The following CYP39A1 variants were observed in gnomAD, a reference collection of about 807,000 sequenced individuals.
CYP39A1 encodes the protein cytochrome P450 family 39 subfamily A member 1.
CYP39A1 carries 49 observed loss-of-function variants against 58.1 expected under a neutral mutation model. That is an observed-to-expected ratio of 0.84 (90% CI 0.67 to 1.07). The LOEUF (loss-of-function observed/expected upper bound fraction) is 1.07. CYP39A1 is among the 50% of genes least tolerant of loss of function. The probability of loss-of-function intolerance (pLI) is 0.00; values close to 1 mark genes in which losing one functional copy is unlikely to be tolerated. For synonymous variants in CYP39A1, 209 were observed against 187.6 expected, an observed-to-expected ratio of 1.11 and a Z score of -0.93; for missense variants, 531 against 539.4, an observed-to-expected ratio of 0.98 and a Z score of 0.16.
chr6:46,599,231 A>G (rs943395160), intron 7 of CYP39A1, among the ~76,000 whole-genome samples: 1 of 152,196 alleles, frequency 6.6e-6, no homozygotes, highest in African/African-American at 2.4e-5. Flanking sequence ...AAGACAGAGA[A>G]CTAAAAGTGG....
At chr6:46,560,803 T>C (rs947021228) in intron 10 of CYP39A1, among the ~76,000 whole-genome samples, 6 of 151,786 alleles carry the variant, frequency 4.0e-5, no homozygotes, top group Non-Finnish European at 8.8e-5. Flanking sequence ...GAAGGAGCCC[T>C]GGGGTAATCC....
chr6:46,609,396 G>A (rs1264325474), intron 7 of CYP39A1, among the ~76,000 whole-genome samples: 1 of 145,444 alleles, frequency 6.9e-6, no homozygotes, highest in Non-Finnish European at 1.5e-5. Context: ...CAGCCTGGGC[G>A]ACAGCGAGAC....
At chr6:46,565,520 TA>T (rs1294050497) in intron 10 of CYP39A1, among the ~76,000 whole-genome samples, 1 of 145,530 alleles carries the variant, frequency 6.9e-6, no homozygotes, top group African/African-American at 2.7e-5. Flanking sequence ...ATAAATAAAA[TA>T]AAAAAAGGAG....
chr6:46,649,808 C>A (rs1762553422), intron 1 of CYP39A1, among the ~76,000 whole-genome samples: 1 of 151,996 alleles, frequency 6.6e-6, no homozygotes, highest in African/African-American at 2.4e-5. Context: ...ATTTTTTGAA[C>A]CGTATAAATG....
At chr6:46,573,022 A>T (rs1368578639) in intron 10 of CYP39A1, among the ~76,000 whole-genome samples, 1 of 151,738 alleles carries the variant, frequency 6.6e-6, no homozygotes, top group Non-Finnish European at 1.5e-5. Flanking sequence ...TGATCTTTCA[A>T]TCTCTTTGCT....
intron 10 of CYP39A1, among the ~76,000 whole-genome samples, chr6:46,554,358 T>A (rs752571580): frequency 1.3e-5 from 2 of 152,150 alleles, no homozygotes; most frequent in Non-Finnish European, 2.9e-5. Context: ...CAGTCCTACC[T>A]AAGTCTAGAT....
rs1448048626 is a variant in CYP39A1 at position 46,553,824 on chromosome 6, A to G, written c.1281T>C (p.Cys427=). The stretch of plus-strand genomic sequence containing the variant: ...CATATTTATAAAGTATTAAAATAAT[A>G]CACATCTGAACCTCTAACAGAGCAA... The part of the protein sequence containing the change: ...RWFALLEVQM[C]IILILYKYDC... Residue 427 remains cysteine, a synonymous_variant, in exon 11 of 12, where the codon TGT becomes TGC. Transcript: ENST00000275016. 1.2e-6 allele frequency: 2 copies of G among 1,609,542 alleles called. No individual in the cohort carries two copies. Among genetic ancestry groups the G allele is most frequent in the African/African-American group, 1.3e-5 (1 of 74,706 alleles).
intron 10 of CYP39A1, among the ~76,000 whole-genome samples, chr6:46,571,410 TG>T (rs1420010703): frequency 6.6e-6 from 1 of 152,178 alleles, no homozygotes; most frequent in Non-Finnish European, 1.5e-5. Context: ...GCTCTGATGT[TG>T]GGTACACATA....
intron 10 of CYP39A1, among the ~76,000 whole-genome samples, chr6:46,572,003 G>A (rs1771609080): frequency 6.6e-6 from 1 of 151,912 alleles, no homozygotes; most frequent in African/African-American, 2.4e-5. Context: ...ACCTATCCAA[G>A]GGTGCACTCA....
Position 46,648,413 on chromosome 6 carries a change from C to CA in CYP39A1, c.177+3992dup, listed in dbSNP as rs989023716. Among the ~76,000 whole-genome samples, 133 of 149,256 alleles carry CA rather than the reference C, an allele frequency of 8.9e-4. 1 individual carries two copies. Among genetic ancestry groups the CA allele is most frequent in the African/African-American group, 3.0e-3 (123 of 40,398 alleles). On this transcript the variant is annotated intron_variant, in intron 1 of 11. Coordinates refer to ENST00000275016, the MANE Select transcript of CYP39A1 (RefSeq NM_016593.5). ...CATTCTCAGCAAACTATCACAAGGA[C>CA]AAAAAATCAAACACCACATGTTCTC...
intron 1 of CYP39A1, among the ~76,000 whole-genome samples, chr6:46,651,461 C>A (rs886101397): frequency 3.9e-5 from 6 of 152,064 alleles, no homozygotes; most frequent in Non-Finnish European, 8.8e-5. Context: ...CATTGTTGTT[C>A]ATTAAATAGT....
chr6:46,587,243 G>T, intron 9 of CYP39A1, 78 bp from the exon 10 acceptor site: 1 of 933,760 alleles, frequency 1.1e-6, no homozygotes, highest in South Asian at 1.4e-5. Flanking sequence ...GGCTAAAAAT[G>T]ACCTTGTACA....
At chr6:46,628,647 A>T (rs375629321) in intron 6 of CYP39A1, among the ~76,000 whole-genome samples, 89 of 152,302 alleles carry the variant, frequency 5.8e-4, no homozygotes, top group African/African-American at 2.1e-3. Flanking sequence ...AGTACAAAGT[A>T]GGAGAGAGGA....
chr6:46,623,481 G>A (rs540862778), intron 7 of CYP39A1, among the ~76,000 whole-genome samples: 3 of 152,188 alleles, frequency 2.0e-5, no homozygotes, highest in Non-Finnish European at 2.9e-5. Flanking sequence ...ATTTGAATTC[G>A]TGGGCTCAGT....
intron 11 of CYP39A1, among the ~76,000 whole-genome samples, chr6:46,553,073 CAAAAAAA>C (rs34991519): frequency 1.6e-4 from 13 of 81,408 alleles, no homozygotes; most frequent in South Asian, 1.3e-3. Context: ...ACCCCCCAAC[CAAAAAAA>C]AAAAAAAAAA....
At chr6:46,568,534 A>G (rs1288174766) in intron 10 of CYP39A1, among the ~76,000 whole-genome samples, 2 of 151,950 alleles carry the variant, frequency 1.3e-5, no homozygotes, top group African/African-American at 4.8e-5. Flanking sequence ...AGTTTTAAGT[A>G]TTTATTTTAT....
intron 8 of CYP39A1, among the ~76,000 whole-genome samples, chr6:46,594,899 G>T (rs987983663): frequency 3.3e-5 from 5 of 151,748 alleles, no homozygotes; most frequent in Admixed American, 3.3e-4. Flanking sequence ...AATTTTTGCA[G>T]GCCATACATC....
At chr6:46,616,341 T>C (rs1243564529) in intron 7 of CYP39A1, among the ~76,000 whole-genome samples, 1 of 148,930 alleles carries the variant, frequency 6.7e-6, no homozygotes, top group Non-Finnish European at 1.5e-5. Flanking sequence ...CACTGCAACT[T>C]TGAATTCCTG....
chr6:46,617,252 A>C (rs1382012183), intron 7 of CYP39A1, among the ~76,000 whole-genome samples: 1 of 152,144 alleles, frequency 6.6e-6, no homozygotes, highest in Non-Finnish European at 1.5e-5. Flanking sequence ...TTTTTCTCTA[A>C]TCTATAAGTT....
Sources: gnomAD v4.1 joint callset for allele counts (sites outside exome capture counted in the v4.1 genomes callset) on GRCh38, gnomAD v4.1.1 for gene constraint, MANE v1.5 for transcripts, NCBI Gene and HGNC (gene_info 2026-07-23, HGNC 2026-07-21) for gene names.